The following MPPED2 variants were observed in gnomAD, a reference collection of about 807,000 sequenced individuals.
MPPED2 encodes the protein metallophosphoesterase MPPED2.
Under a neutral mutation model 33.0 loss-of-function variants are expected in MPPED2, and 5 were observed. The observed-to-expected ratio is 0.15, with a 90% CI of 0.08 to 0.32. The LOEUF (loss-of-function observed/expected upper bound fraction) is 0.32, where lower values mean the gene tolerates loss of function less well. Among genes scored for constraint, MPPED2 ranks in the 10% least tolerant of loss-of-function variants. The pLI is 1.00. For synonymous variants in MPPED2, 136 were observed against 141.9 expected (o/e 0.96, Z 0.29); for missense variants, 275 against 372.1 (o/e 0.74, Z 2.15).
intron 4 of MPPED2, among the ~76,000 whole-genome samples, chr11:30,449,183 A>AGAAT (rs61562180): frequency 0.48 from 72,770 of 151,214 alleles, 18,162 homozygotes; most frequent in African/African-American, 0.64. Context: ...AAATGTTAAG[A>AGAAT]GAATGAATGA....
chr11:30,461,755 A>G (rs1428078160), intron 4 of MPPED2, among the ~76,000 whole-genome samples: 2 of 152,280 alleles, frequency 1.3e-5, no homozygotes, highest in East Asian at 3.9e-4. Flanking sequence ...TGAAGAGTAA[A>G]TGTTCCTCCG....
intron 4 of MPPED2, among the ~76,000 whole-genome samples, chr11:30,493,526 A>T (rs1952090236): frequency 6.6e-6 from 1 of 152,060 alleles, no homozygotes; most frequent in Non-Finnish European, 1.5e-5. Flanking sequence ...TTCTGTATTA[A>T]GTGAGTAAAG....
intron 2 of MPPED2, among the ~76,000 whole-genome samples, chr11:30,546,881 G>T (rs1955452020): frequency 6.6e-6 from 1 of 152,094 alleles, no homozygotes; most frequent in Admixed American, 6.6e-5. Context: ...AGGTGGTTTT[G>T]TAACAATAAA....
At chr11:30,433,002 TG>T (rs1949150739) in intron 4 of MPPED2, among the ~76,000 whole-genome samples, 2 of 152,230 alleles carry the variant, frequency 1.3e-5, no homozygotes. Context: ...TGTTTCTCCT[TG>T]CACTGTTCTG....
chr11:30,422,697 C>G (rs1316439090), intron 4 of MPPED2, among the ~76,000 whole-genome samples: 1 of 152,088 alleles, frequency 6.6e-6, no homozygotes, highest in Non-Finnish European at 1.5e-5. Context: ...ATTGCTTCAG[C>G]CAAAGGACTT....
chr11:30,558,596 A>AT (rs1013966347), intron 2 of MPPED2, among the ~76,000 whole-genome samples: 4 of 145,882 alleles, frequency 2.7e-5, no homozygotes, highest in African/African-American at 1.0e-4. Context: ...TTTTTTTTTA[A>AT]TTTTTGATAG....
At chr11:30,430,947 T>C (rs956930348) in intron 4 of MPPED2, among the ~76,000 whole-genome samples, 4 of 152,146 alleles carry the variant, frequency 2.6e-5, no homozygotes, top group Non-Finnish European at 5.9e-5. Flanking sequence ...AGGTTCTGTA[T>C]TCAGGAAAAA....
At chr11:30,558,259 G>A (rs760819180) in intron 2 of MPPED2, among the ~76,000 whole-genome samples, 4 of 152,104 alleles carry the variant, frequency 2.6e-5, no homozygotes, top group Non-Finnish European at 5.9e-5. Flanking sequence ...AAACCCAATA[G>A]TCGTTCTCAT....
chr11:30,458,210 G>C (rs1950363392), intron 4 of MPPED2, among the ~76,000 whole-genome samples: 1 of 152,128 alleles, frequency 6.6e-6, no homozygotes, highest in African/African-American at 2.4e-5. Flanking sequence ...GGGTGGAAGA[G>C]AAAAAGTTAG....
At chr11:30,395,536 T>A (rs1428104449) in intron 6 of MPPED2, among the ~76,000 whole-genome samples, 1 of 152,126 alleles carries the variant, frequency 6.6e-6, no homozygotes, top group Non-Finnish European at 1.5e-5. Context: ...GATTCAATTT[T>A]TCAAAAATCA....
chr11:30,458,075 G>A (rs1479293627), intron 4 of MPPED2, among the ~76,000 whole-genome samples: 1 of 152,156 alleles, frequency 6.6e-6, no homozygotes, highest in African/African-American at 2.4e-5. Flanking sequence ...GCTCTCATGT[G>A]GGCTCTTTCA....
chr11:30,453,589 T>C (rs1192321921), intron 4 of MPPED2, among the ~76,000 whole-genome samples: 1 of 152,212 alleles, frequency 6.6e-6, no homozygotes, highest in African/African-American at 2.4e-5. Context: ...TCTGAATTCA[T>C]TTCCTTAGAC....
intron 4 of MPPED2, among the ~76,000 whole-genome samples, chr11:30,478,745 A>C (rs1054288068): frequency 2.0e-5 from 3 of 152,166 alleles, no homozygotes; most frequent in Admixed American, 2.0e-4. Flanking sequence ...ATTCATTTAT[A>C]GGTAAAATTT....
At chr11:30,418,122 C>G (rs1175699292) in intron 4 of MPPED2, among the ~76,000 whole-genome samples, 1 of 152,166 alleles carries the variant, frequency 6.6e-6, no homozygotes, top group Non-Finnish European at 1.5e-5. Context: ...GATGAGGGCT[C>G]TGACACAGGC....
Position 30,388,936 on chromosome 11 carries a change from TG to T in MPPED2, c.786del (p.Lys263ArgfsTer3). ...GAACATATTTTTGTCCTCAGTGCCT[TG>T]GAGATGCTCACAGGGTTTACTAAAG... On this transcript the variant is annotated frameshift_variant, in exon 7 of 7. Coordinates refer to the MPPED2 transcript ENST00000448418. LOFTEE classifies it low-confidence loss of function (END_TRUNC). 1 of 1,565,676 alleles carries T rather than the reference TG, an allele frequency of 6.4e-7. No individual in the cohort carries two copies. Among genetic ancestry groups the T allele is most frequent in the Non-Finnish European group, 8.7e-7 (1 of 1,153,966 alleles).
At chr11:30,505,928 G>C (rs1238463721) in intron 3 of MPPED2, among the ~76,000 whole-genome samples, 1 of 152,100 alleles carries the variant, frequency 6.6e-6, no homozygotes, top group Non-Finnish European at 1.5e-5. Flanking sequence ...AAAAGAAAAA[G>C]AATAATTGTA....
At chr11:30,389,153 G>A (rs1339633710) in intron 6 of MPPED2, among the ~76,000 whole-genome samples, 1 of 152,150 alleles carries the variant, frequency 6.6e-6, no homozygotes, top group African/African-American at 2.4e-5. Context: ...CCTCCACCAA[G>A]CAGTTGCCTT....
chr11:30,572,340 G>A (rs568993148), intron 2 of MPPED2, among the ~76,000 whole-genome samples: 14 of 152,190 alleles, frequency 9.2e-5, no homozygotes, highest in Middle Eastern at 3.4e-3. Context: ...GTACAGAATA[G>A]GGAAAAAGTC....
At chr11:30,567,010 G>A (rs918675138) in intron 2 of MPPED2, among the ~76,000 whole-genome samples, 8 of 152,072 alleles carry the variant, frequency 5.3e-5, no homozygotes, top group African/African-American at 1.9e-4. Flanking sequence ...TTACGGCCAC[G>A]GATCAGCCTG....
Sources: allele counts gnomAD v4.1 joint callset (sites outside exome capture counted in the v4.1 genomes callset), GRCh38; gene constraint gnomAD v4.1.1; transcripts MANE v1.5; gene names NCBI Gene and HGNC (gene_info 2026-07-23, HGNC 2026-07-21).